The following VWA7 variants were observed in gnomAD, a reference collection of about 807,000 sequenced individuals.
VWA7 encodes von Willebrand factor A domain-containing protein 7.
A neutral mutation model predicts 83.1 loss-of-function variants in VWA7; 66 were observed. The observed-to-expected ratio is 0.79, with a 90% CI of 0.65 to 0.98. The LOEUF (loss-of-function observed/expected upper bound fraction) is 0.98, where lower values mean the gene tolerates loss of function less well. Ranked by LOEUF, VWA7 falls within the 50% of genes least tolerant of loss-of-function variation. The pLI, the probability that VWA7 is intolerant of heterozygous loss-of-function variation, is 0.00. For synonymous variants in VWA7, 424 were observed against 488.5 expected (o/e 0.87, Z 1.74); for missense variants, 1,080 against 1,160.2 (o/e 0.93, Z 1.00).
intron 7 of VWA7, among the ~76,000 whole-genome samples, chr6:31,770,571 C>CAAA (rs9281576): frequency 1.2e-5 from 1 of 82,308 alleles, no homozygotes; most frequent in Non-Finnish European, 2.3e-5. Context: ...GACTCCATCT[C>CAAA]AAAAAAAAAA....
Position 31,773,543 on chromosome 6 carries a change from G to A in VWA7, c.722-106C>T, listed in dbSNP as rs1581612015. The A allele has an allele frequency of 2.6e-6, 3 of 1,169,072 alleles. No homozygotes were observed. Among genetic ancestry groups the A allele is most frequent in the Non-Finnish European group, 3.5e-6 (3 of 853,918 alleles). 72.4% of individuals were successfully genotyped at this position (1,169,072 alleles called of 1,614,324 possible). ...CCTGACCCTCTCACCCCTCAGCAAG[G>A]GTTCAGCAAGAAATGATGACGGGGT... On this transcript the variant is annotated intron_variant, in intron 5 of 16. Coordinates refer to ENST00000375688, the MANE Select transcript of VWA7 (RefSeq NM_025258.3). This position sits in a 1 kb window ranked among gnomAD's most constrained non-coding sequence, Gnocchi z 5.3.
Position 31,767,354 on chromosome 6 carries a change from C to T in VWA7, c.1789+8G>A. ...GCTTCCCCTTCCCAGGAACACCTCC[C>T]TCCTTACCTTGCACTCTCACCCCAG... is the stretch of plus-strand genomic sequence containing the variant. On this transcript the variant is annotated splice_region_variant and intron_variant, in intron 12 of 16. Coordinates refer to ENST00000375688, the MANE Select transcript of VWA7 (RefSeq NM_025258.3). The T allele has an allele frequency of 6.2e-7, 1 of 1,612,960 alleles. No homozygotes were observed. Among genetic ancestry groups the T allele is most frequent in the Non-Finnish European group, 8.5e-7 (1 of 1,179,370 alleles).
Position 31,776,255 on chromosome 6 carries a change from G to A in VWA7, c.235-13C>T. The A allele has an allele frequency of 1.2e-6, 2 of 1,606,772 alleles. No individual in the cohort carries two copies. Among genetic ancestry groups the A allele is most frequent in the Non-Finnish European group, 1.7e-6 (2 of 1,175,356 alleles). Reference sequence around the variant, plus strand: ...GGAGTGTTCGACCCTGGGGAGAATAGCGGGCGACGGGGCTCCAGGGAGGCC... The same window carrying A: ...GGAGTGTTCGACCCTGGGGAGAATAACGGGCGACGGGGCTCCAGGGAGGCC... On this transcript the variant is annotated splice_polypyrimidine_tract_variant and intron_variant, in intron 2 of 16. Transcript: ENST00000375688. The surrounding 1 kb of genome is among the most constrained non-coding windows in gnomAD (Gnocchi z 6.2).
Position 31,766,849 on chromosome 6 carries a change from C to T in VWA7, c.1883-85G>A. 1 of 1,449,854 alleles carries T rather than the reference C, an allele frequency of 6.9e-7. No individual in the cohort carries two copies. Among genetic ancestry groups the T allele is most frequent in the South Asian group, 1.3e-5 (1 of 74,198 alleles). 89.8% of individuals were successfully genotyped at this position (1,449,854 alleles called of 1,614,324 possible). On this transcript the variant is annotated intron_variant, in intron 13 of 16. Coordinates refer to ENST00000375688, the MANE Select transcript of VWA7 (RefSeq NM_025258.3). The surrounding 1 kb of genome is among the most constrained non-coding windows in gnomAD (Gnocchi z 4.9). ...ATTAATGGCCTTCAAAATAGGGGTT[C>T]CCTCTGGGGAGTATGGATGGGAAAA...
Position 31,765,695 on chromosome 6 carries a change from A to ATG in VWA7, c.2573_2574dup (p.Leu859HisfsTer3). Reference sequence around the variant, plus strand: ...GCCCCAGCCCTGCCTTGAGTCACCAATGTGAAGGGGGAAAAGGCAGGGGTG... The same window carrying ATG: ...GCCCCAGCCCTGCCTTGAGTCACCAATGTGTGAAGGGGGAAAAGGCAGGGGTG... On this transcript the variant is annotated frameshift_variant, in exon 17 of 17. Transcript: ENST00000375688. LOFTEE classifies it low-confidence loss of function (END_TRUNC). 6.2e-7 allele frequency: 1 copy of ATG among 1,600,044 alleles called. No homozygotes were observed. Among genetic ancestry groups the ATG allele is most frequent in the Non-Finnish European group, 8.5e-7 (1 of 1,173,534 alleles).
Position 31,769,209 on chromosome 6 carries a change from C to T in VWA7, c.1318-6G>A. On this transcript the variant is annotated splice_region_variant and splice_polypyrimidine_tract_variant and intron_variant, in intron 9 of 16. Transcript: ENST00000375688. This position sits in a 1 kb window ranked among gnomAD's most constrained non-coding sequence, Gnocchi z 4.5. ...TCAGTCACCAGGAATGTTACCTGTA[C>T]CCAGAAGAGAGCTCAGTGATTGGGG... is the stretch of plus-strand genomic sequence containing the variant. 6.2e-7 allele frequency: 1 copy of T among 1,606,230 alleles called. No individual in the cohort carries two copies. Among genetic ancestry groups the T allele is most frequent in the African/African-American group, 1.3e-5 (1 of 74,964 alleles).
chr6:31,773,273 G>C lies in VWA7; in HGVS notation c.886C>G (p.Arg296Gly). The change falls in exon 6 of 17, where the codon CGA becomes GGA. Residue 296 changes from arginine to glycine, a missense_variant. Transcript: ENST00000375688. The surrounding 1 kb of genome is among the most constrained non-coding windows in gnomAD (Gnocchi z 5.3). ...AAATCCCTGTCTCCCAGGCGGCTTC[G>C]CAGAAGGCTGAAGGCCTGGATGGAG... is the stretch of plus-strand genomic sequence containing the variant. ...LASIQAFSLL[R>G]SRLGDRDFSR... 6.2e-7 allele frequency: 1 copy of C among 1,606,940 alleles called. No homozygotes were observed. The highest frequency in any genetic ancestry group is 8.5e-7 in the Non-Finnish European group (1 of 1,177,026).
Position 31,777,289 on chromosome 6 carries a change from G to A in VWA7, c.-196C>T, listed in dbSNP as rs767936887. On this transcript the variant is annotated 5_prime_UTR_variant, in exon 1 of 17. Coordinates refer to ENST00000375688, the MANE Select transcript of VWA7 (RefSeq NM_025258.3). The surrounding 1 kb of genome is among the most constrained non-coding windows in gnomAD (Gnocchi z 5.8). ...CCCAAAGCCACAGGCAGCAGCCCAC[G>A]CCAGGGCGGGCCTCCCTTGGCTGCA... 8.8e-5 allele frequency: 45 copies of A among 513,206 alleles called. No homozygotes were observed. Among genetic ancestry groups the A allele is most frequent in the Non-Finnish European group, 1.3e-4 (36 of 287,408 alleles). The allele number at this position is 513,206 out of a possible 1,614,324, so 31.8% of individuals were successfully genotyped here. A position where few individuals can be genotyped will look rare whatever the true frequency, so the allele number is the denominator to read the frequency against.
intron 7 of VWA7, among the ~76,000 whole-genome samples, chr6:31,771,031 G>GA (rs1812133368): frequency 7.7e-6 from 1 of 130,250 alleles, no homozygotes; most frequent in Non-Finnish European, 1.6e-5. Flanking sequence ...AAAAAAGAAA[G>GA]AAAAGAAAAA....
rs759374688 is a variant in VWA7, at chr6:31,769,201, T to C, written c.1320A>G (p.Val440=). ...ATGTATCTTCAGTCACCAGGAATGT[T>C]ACCTGTACCCAGAAGAGAGCTCAGT... is the stretch of plus-strand genomic sequence containing the variant. The part of the protein sequence containing the change: ...ESLTQERRCR[V]TFLVTEDTSR... The change falls in exon 10 of 17, where the codon GTA becomes GTG. Residue 440 remains valine (V), a splice_region_variant and synonymous_variant. Transcript: ENST00000375688. This position sits in a 1 kb window ranked among gnomAD's most constrained non-coding sequence, Gnocchi z 4.5. 2,286 of 1,612,374 alleles carry C rather than the reference T, an allele frequency of 1.4e-3. 10 individuals carry two copies. The highest frequency in any genetic ancestry group is 9.1e-3 in the Middle Eastern group (55 of 6,058).
chr6:31,769,154 C>T lies in VWA7; in HGVS notation c.1367G>A (p.Arg456Gln), dbSNP rs1811927068. 5.0e-6 allele frequency: 8 copies of T among 1,612,982 alleles called. No homozygotes were observed. Among genetic ancestry groups the T allele is most frequent in the East Asian group, 2.2e-5 (1 of 44,904 alleles). ...EDTSRVQGRA[R>Q]REILSPLRFE... ...ACGCAGAGGGGACAAGATCTCACGCCGAGCTCGACCCTGAACCCTTGATGT... is the reference window on the plus strand; with the variant it reads ...ACGCAGAGGGGACAAGATCTCACGCTGAGCTCGACCCTGAACCCTTGATGT... The change falls in exon 10 of 17, where the codon CGG (arginine) becomes CAG (glutamine). Residue 456 changes from arginine (R) to glutamine (Q), a missense_variant. Transcript: ENST00000375688. The surrounding 1 kb of genome is among the most constrained non-coding windows in gnomAD (Gnocchi z 4.5).
At chr6:31,772,757 G>A (rs1411606295) in intron 7 of VWA7, among the ~76,000 whole-genome samples, 197 bp downstream of exon 7, 6 of 151,350 alleles carry the variant, frequency 4.0e-5, no homozygotes, top group African/African-American at 9.7e-5. Context: ...CCACCACCAC[G>A]CCCGGCTAAT....
At chr6:31,768,759 C>T (rs961179382) in intron 10 of VWA7, among the ~76,000 whole-genome samples, 3 of 151,862 alleles carry the variant, frequency 2.0e-5, no homozygotes, top group African/African-American at 7.3e-5. Flanking sequence ...CAGGAGAATC[C>T]CTTGAACCCG....
At position 31,776,797 on chromosome 6, in the gene VWA7, G is replaced by A; in HGVS notation, c.-15-3C>T. 1 of 1,360,556 alleles carries A rather than the reference G, an allele frequency of 7.3e-7. No homozygotes were observed. The highest frequency in any genetic ancestry group is 3.2e-5 in the Admixed American group (1 of 31,270). The allele number at this position is 1,360,556 out of a possible 1,614,324, so 84.3% of individuals were successfully genotyped here. Reference sequence around the variant, plus strand: ...GGGAGCATGGCTGAGACATGGACCTGGGAGACAGAAGGCTCTCAAGGGAGG... The same window carrying A: ...GGGAGCATGGCTGAGACATGGACCTAGGAGACAGAAGGCTCTCAAGGGAGG... On this transcript the variant is annotated splice_region_variant and splice_polypyrimidine_tract_variant and intron_variant, in intron 1 of 16. Transcript: ENST00000375688. This position sits in a 1 kb window ranked among gnomAD's most constrained non-coding sequence, Gnocchi z 6.2.
At position 31,775,986 on chromosome 6, in the gene VWA7, C is replaced by T. The variant is rs1335644054; in HGVS notation, c.491G>A (p.Gly164Glu). 6.2e-7 allele frequency: 1 copy of T among 1,611,664 alleles called. No individual in the cohort carries two copies. The highest frequency in any genetic ancestry group is 1.7e-5 in the Admixed American group (1 of 59,968). The change falls in exon 3 of 17, where the codon GGG (glycine) becomes GAG (glutamate). Residue 164 changes from glycine to glutamate, a missense_variant. Coordinates refer to ENST00000375688, the MANE Select transcript of VWA7 (RefSeq NM_025258.3). The surrounding 1 kb of genome is among the most constrained non-coding windows in gnomAD (Gnocchi z 5.9). ...CACCTGCAGGGCATGAAGTGCAGCC[C>T]CGAGGCGCTGGCGAGCCAGGGTGTG... ...LDHTLARQRL[G>E]AALHALQDFY...
At position 31,776,096 on chromosome 6, in the gene VWA7, G is replaced by A. The variant is rs745941826; in HGVS notation, c.381C>T (p.His127=). 3.7e-6 allele frequency: 6 copies of A among 1,614,042 alleles called. No homozygotes were observed. Among genetic ancestry groups the A allele is most frequent in the Middle Eastern group, 3.3e-4 (2 of 6,062 alleles). The change falls in exon 3 of 17, where the codon CAC becomes CAT. Residue 127 remains histidine (H), a synonymous_variant. Coordinates refer to ENST00000375688, the MANE Select transcript of VWA7 (RefSeq NM_025258.3). This position sits in a 1 kb window ranked among gnomAD's most constrained non-coding sequence, Gnocchi z 6.2. ...CCTGACCCAGTCGCTCAGCATCAAA[G>A]TGCAGGTCGGGGTCATTCCTGGAAG... ...LPTSRNDPDL[H]FDAERLGQGR... is the part of the protein sequence containing the mutation.
At chr6:31,774,941 A>G (rs1812549100) in intron 4 of VWA7, among the ~76,000 whole-genome samples, 1 of 152,192 alleles carries the variant, frequency 6.6e-6, no homozygotes, top group Non-Finnish European at 1.5e-5. Context: ...TAAAAAATAA[A>G]TACATAAATA....
chr6:31,765,793 G>A, intron 16 of VWA7, 23 bp from the exon 17 acceptor site: 1 of 1,585,860 alleles, frequency 6.3e-7, no homozygotes, highest in Non-Finnish European at 8.6e-7. Flanking sequence ...GGAAGAGAAT[G>A]ACAGGGTGTG....
Position 31,769,729 on chromosome 6 carries a change from C to A in VWA7, c.1263G>T (p.Lys421Asn). 6.2e-7 allele frequency: 1 copy of A among 1,612,978 alleles called. No homozygotes were observed. Reference sequence around the variant, plus strand: ...CCACCTGGTTGGTGAGAAAGGCATCCTTGGGGGAGGCATCCGTGAAGACAA... The same window carrying A: ...CCACCTGGTTGGTGAGAAAGGCATCATTGGGGGAGGCATCCGTGAAGACAA... ...DIFVFTDASPKDAFLTNQVES... is the reference protein window; with the variant it reads ...DIFVFTDASPNDAFLTNQVES... The change falls in exon 9 of 17, where the codon AAG becomes AAT. Residue 421 changes from lysine to asparagine, a missense_variant. Physicochemically the swap from Lys to Asn is moderately conservative, Grantham distance 94 (BLOSUM62 0). Transcript: ENST00000375688. This position sits in a 1 kb window ranked among gnomAD's most constrained non-coding sequence, Gnocchi z 4.5.
Sources: allele counts gnomAD v4.1 joint callset (sites outside exome capture counted in the v4.1 genomes callset), GRCh38; gene constraint gnomAD v4.1.1; non-coding constraint Gnocchi (gnomAD v3.1); transcripts MANE v1.5; gene names NCBI Gene and HGNC (gene_info 2026-07-23, HGNC 2026-07-21).